ARHGEF10: variants seen among roughly 807,000 people sequenced by gnomAD.
The protein encoded by ARHGEF10 is Rho guanine nucleotide exchange factor (GEF) 10.
ARHGEF10 carries 140 observed loss-of-function variants against 147.4 expected under a neutral mutation model. The ratio of observed to expected loss-of-function variants is 0.95; its 90% confidence interval spans 0.83 to 1.09. The LOEUF (loss-of-function observed/expected upper bound fraction) is 1.09, where lower values mean the gene tolerates loss of function less well. ARHGEF10 is among the 50% of genes least tolerant of loss of function. ARHGEF10 has a pLI of 0.00. For missense variants in ARHGEF10, 2,222 were observed against 1,752.7 expected, an observed-to-expected ratio of 1.27 and a Z score of -4.78; for synonymous variants, 902 against 695.8, an observed-to-expected ratio of 1.30 and a Z score of -4.67.
intron 1 of ARHGEF10, among the ~76,000 whole-genome samples, chr8:1,839,139 T>A (rs1414591071): frequency 6.7e-6 from 1 of 148,428 alleles, no homozygotes; most frequent in Non-Finnish European, 1.5e-5. Context: ...GTGGAAACTG[T>A]CTGGTATGGG....
intron 7 of ARHGEF10, chr8:1,871,163 A>T (rs1379129627): frequency 6.6e-6 from 1 of 151,800 alleles, no homozygotes; most frequent in Non-Finnish European, 1.5e-5. Flanking sequence ...TTAGAACAGC[A>T]ATGTAGTATG....
chr8:1,940,847 A>G (rs999104104), intron 26 of ARHGEF10, among the ~76,000 whole-genome samples: 1 of 152,264 alleles, frequency 6.6e-6, no homozygotes, highest in African/African-American at 2.4e-5. Flanking sequence ...AATGCATCAC[A>G]TTAACAGAAT....
intron 10 of ARHGEF10, among the ~76,000 whole-genome samples, chr8:1,883,230 T>C (rs911925627): frequency 6.6e-6 from 1 of 152,076 alleles, no homozygotes; most frequent in Non-Finnish European, 1.5e-5. Flanking sequence ...TGTGCAGTTA[T>C]GTGTGGAAAA....
chr8:1,923,998 T>C, intron 21 of ARHGEF10, 124 bp downstream of exon 21: 1 of 953,044 alleles, frequency 1.0e-6, no homozygotes, highest in Non-Finnish European at 1.7e-6. Flanking sequence ...CCTGAAAGAG[T>C]GTTTCTAAAC....
At chr8:1,849,246 A>G (rs1804787064) in intron 2 of ARHGEF10, among the ~76,000 whole-genome samples, 1 of 152,114 alleles carries the variant, frequency 6.6e-6, no homozygotes, top group Non-Finnish European at 1.5e-5. Flanking sequence ...GGCTGCGGGG[A>G]CACAGACGGC....
intron 11 of ARHGEF10, among the ~76,000 whole-genome samples, chr8:1,889,959 G>GC (rs1223980909): frequency 1.3e-5 from 2 of 148,430 alleles, no homozygotes; most frequent in African/African-American, 2.5e-5. Context: ...ACTGAGTGGG[G>GC]GAGGGGTATG....
At chr8:1,851,885 G>A (rs796744703) in intron 2 of ARHGEF10, among the ~76,000 whole-genome samples, 1 of 151,258 alleles carries the variant, frequency 6.6e-6, no homozygotes, top group Non-Finnish European at 1.5e-5. Context: ...CTGCACTCCA[G>A]CGCGGGCAAC....
At chr8:1,879,861 G>T (rs1808032094) in intron 8 of ARHGEF10, among the ~76,000 whole-genome samples, 187 bp from the exon 9 acceptor site, 1 of 152,042 alleles carries the variant, frequency 6.6e-6, no homozygotes, top group Admixed American at 6.6e-5. Flanking sequence ...CCAACTATTT[G>T]TGCATTTATC....
At chr8:1,825,723 G>A (rs936358352) in intron 1 of ARHGEF10, among the ~76,000 whole-genome samples, 16 of 152,112 alleles carry the variant, frequency 1.1e-4, no homozygotes, top group Non-Finnish European at 2.2e-4. Flanking sequence ...ACTTGCTGTT[G>A]TCTGATATTG....
intron 7 of ARHGEF10, 63 bp downstream of exon 7, chr8:1,869,313 C>G (rs762731858): frequency 2.8e-6 from 4 of 1,404,444 alleles, no homozygotes; most frequent in Non-Finnish European, 4.0e-6. Context: ...CTCTGGATGC[C>G]AAAGTGACTA....
At chr8:1,915,266 G>A (rs137923488) in intron 18 of ARHGEF10, among the ~76,000 whole-genome samples, 3 of 152,206 alleles carry the variant, frequency 2.0e-5, no homozygotes, top group Admixed American at 6.5e-5. Flanking sequence ...GGCTTTTCAG[G>A]GATTTTTGAT....
In ARHGEF10 at chr8:1,893,632, A is replaced by C. The variant is rs755634097; in HGVS notation, c.1246A>C (p.Lys416Gln). The change falls in exon 12 of 29, where the codon AAG becomes CAG. Residue 416 changes from lysine (K) to glutamine (Q), a missense_variant. By Grantham distance (53) the Lys-to-Gln change is moderately conservative. Transcript: ENST00000349830. ...DSEKNYVDAL[K>Q]RILEQYEKPL... is the part of the protein sequence containing the mutation. ...TGAAAAGAACTACGTAGATGCTCTT[A>C]AGAGGATTTTGGAGGTACTTAAGTG... 2 of 1,612,498 alleles carry C rather than the reference A, an allele frequency of 1.2e-6. No individual in the cohort carries two copies. Among genetic ancestry groups the C allele is most frequent in the Non-Finnish European group, 1.7e-6 (2 of 1,178,594 alleles).
In ARHGEF10 at chr8:1,869,112, C is replaced by A. The variant is rs554420524; in HGVS notation, c.623-82C>A. 1.6e-5 allele frequency: 20 copies of A among 1,239,028 alleles called. No individual in the cohort carries two copies. The African/African-American group carries it at 2.4e-4, about 15-fold the overall frequency. The allele number at this position is 1,239,028 out of a possible 1,614,324, so 76.8% of individuals were successfully genotyped here. On this transcript the variant is annotated intron_variant, in intron 6 of 28. Coordinates refer to ENST00000349830, the MANE Select transcript of ARHGEF10 (RefSeq NM_014629.4). ...ACTTTTTGAATAATCATGACATCAT[C>A]GGCGACTGTGGCCCTGTAAAATTTA...
chr8:1,910,925 C>G lies in ARHGEF10; in HGVS notation c.2143+1455C>G, dbSNP rs560957447. Among the ~76,000 whole-genome samples, 5 of 152,208 alleles carry G rather than the reference C, an allele frequency of 3.3e-5. No individual in the cohort carries two copies. The East Asian group carries it at 5.8e-4, about 18-fold the overall frequency. ...TGCAATGTTATATTTTCTTATTCATCTTATTATTTATGATTTATGCTGAGC... is the reference window on the plus strand; with the variant it reads ...TGCAATGTTATATTTTCTTATTCATGTTATTATTTATGATTTATGCTGAGC... On this transcript the variant is annotated intron_variant, in intron 18 of 28. Transcript: ENST00000349830.
chr8:1,862,835 G>C (rs1483923785), intron 4 of ARHGEF10, among the ~76,000 whole-genome samples: 4 of 145,658 alleles, frequency 2.7e-5, no homozygotes, highest in Non-Finnish European at 6.0e-5. Context: ...CTGGAGTACA[G>C]TGGCGGGATC....
chr8:1,945,779 G>T, intron 27 of ARHGEF10, 124 bp downstream of exon 27: 1 of 1,416,224 alleles, frequency 7.1e-7, no homozygotes, highest in South Asian at 1.2e-5. Flanking sequence ...CATGCTGCCA[G>T]GTAATGGGGT....
At chr8:1,829,740 G>T (rs187697179) in intron 1 of ARHGEF10, among the ~76,000 whole-genome samples, 4 of 152,302 alleles carry the variant, frequency 2.6e-5, no homozygotes, top group Non-Finnish European at 2.9e-5. Flanking sequence ...CTAAACGAGC[G>T]TCATAGGTGC....
chr8:1,883,505 C>T (rs1210513152), intron 10 of ARHGEF10, among the ~76,000 whole-genome samples: 1 of 152,252 alleles, frequency 6.6e-6, no homozygotes, highest in East Asian at 1.9e-4. Context: ...AGGGACTTTG[C>T]AGTCACGTTG....
In ARHGEF10 at chr8:1,957,636, T is replaced by A. The variant is rs1815688843; in HGVS notation, c.*373T>A. 4.3e-6 allele frequency: 1 copy of A among 231,456 alleles called. No individual in the cohort carries two copies. The highest frequency in any genetic ancestry group is 8.4e-6 in the Non-Finnish European group (1 of 118,374). 14.3% of individuals were successfully genotyped at this position (231,456 alleles called of 1,614,324 possible). ...TTAGAGAATTTGCAGACTAAGAATT[T>A]ATGAGAAAATATATGTATTCAGTAG... On this transcript the variant is annotated 3_prime_UTR_variant, in exon 29 of 29. Coordinates refer to ENST00000349830, the MANE Select transcript of ARHGEF10 (RefSeq NM_014629.4).
Sources: gnomAD v4.1 joint callset for allele counts (sites outside exome capture counted in the v4.1 genomes callset) on GRCh38, gnomAD v4.1.1 for gene constraint, MANE v1.5 for transcripts, NCBI Gene and HGNC (gene_info 2026-07-23, HGNC 2026-07-21) for gene names.